DNM3: variants seen among roughly 807,000 people sequenced by gnomAD.
DNM3 encodes the protein dynamin 3.
A neutral mutation model predicts 101.6 loss-of-function variants in DNM3; 47 were observed. The observed-to-expected ratio is 0.46, with a 90% confidence interval of 0.37 to 0.59. DNM3 has a LOEUF of 0.59. Among genes scored for constraint, DNM3 ranks in the 20% least tolerant of loss-of-function variants. DNM3 has a pLI of 0.00. For synonymous variants in DNM3, 385 were observed against 387.9 expected (o/e 0.99, Z 0.09); for missense variants, 849 against 1,085.7 (o/e 0.78, Z 3.06).
chr1:172,378,129 A>T (rs948504957), intron 17 of DNM3: 1 of 152,048 alleles, frequency 6.6e-6, no homozygotes, highest in Non-Finnish European at 1.5e-5. Flanking sequence ...TAACAATAAT[A>T]CCTGTGTCAT....
chr1:172,252,634 A>C (rs1193775958), intron 14 of DNM3, among the ~76,000 whole-genome samples: 1 of 152,120 alleles, frequency 6.6e-6, no homozygotes, highest in South Asian at 2.1e-4. Flanking sequence ...TAACAAGGGC[A>C]GCGCTTGTTA....
In DNM3 at chr1:172,411,537, G is replaced by T; in HGVS notation, c.*3696G>T. 1.1e-6 allele frequency: 1 copy of T among 886,476 alleles called. No individual in the cohort carries two copies. The highest frequency in any genetic ancestry group is 6.1e-4 in the Middle Eastern group (1 of 1,632). 54.9% of individuals were successfully genotyped at this position (886,476 alleles called of 1,614,324 possible). ...TAGTCATTTTTCCTCTATGGTAGAA[G>T]TAAAAAAAAAAAAAAAGGACATAGC... On this transcript the variant is annotated 3_prime_UTR_variant, in exon 21 of 21. Transcript: ENST00000627582.
At chr1:172,319,079 C>T (rs951830205) in intron 16 of DNM3, among the ~76,000 whole-genome samples, 13 of 152,074 alleles carry the variant, frequency 8.5e-5, no homozygotes, top group East Asian at 5.8e-4. Flanking sequence ...TCAGAAATAA[C>T]GCCGCATATC....
chr1:172,350,319 T>A (rs1299659068), intron 17 of DNM3, among the ~76,000 whole-genome samples: 4 of 2,056 alleles, frequency 1.9e-3, no homozygotes, highest in African/African-American at 3.6e-3. Flanking sequence ...TTTTATCTTG[T>A]GTGTGTGTGT....
intron 13 of DNM3, among the ~76,000 whole-genome samples, chr1:172,123,663 G>A (rs2056450664): frequency 6.6e-6 from 1 of 152,086 alleles, no homozygotes; most frequent in Admixed American, 6.6e-5. Context: ...ATAGGCCCAG[G>A]ACTACACTTC....
At chr1:171,870,642 A>G (rs1341992763) in intron 1 of DNM3, among the ~76,000 whole-genome samples, 1 of 152,168 alleles carries the variant, frequency 6.6e-6, no homozygotes, top group Admixed American at 6.6e-5. Flanking sequence ...AAATTAGATT[A>G]TGTATCAAAA....
intron 14 of DNM3, among the ~76,000 whole-genome samples, chr1:172,240,819 GT>G (rs2061720485): frequency 6.6e-6 from 1 of 151,928 alleles, no homozygotes; most frequent in Non-Finnish European, 1.5e-5. Flanking sequence ...AAACTTGAAA[GT>G]TTCTTTTTTT....
At chr1:172,314,459 GGGTCAAGGAGTTCCCTTTCCT>G (rs764734796) in intron 16 of DNM3, among the ~76,000 whole-genome samples, 57 of 152,290 alleles carry the variant, frequency 3.7e-4, no homozygotes, top group Non-Finnish European at 7.6e-4. Flanking sequence ...GAAGTGCAAG[GGGTCAAGGAGTTCCCTTTCCT>G]GGTCAAGGAA....
chr1:172,081,763 A>C, intron 11 of DNM3, 69 bp from the exon 12 acceptor site: 1 of 1,249,602 alleles, frequency 8.0e-7, no homozygotes, highest in Non-Finnish European at 1.1e-6. Flanking sequence ...ATTTGTGGGC[A>C]ATTACTGAAT....
At chr1:172,187,604 T>C (rs1311961037) in intron 14 of DNM3, among the ~76,000 whole-genome samples, 1 of 152,058 alleles carries the variant, frequency 6.6e-6, no homozygotes, top group African/African-American at 2.4e-5. Flanking sequence ...TATTTTTGTT[T>C]TTGTTTGTCT....
At chr1:172,393,084 T>A (rs2069666049) in intron 20 of DNM3, 1 of 152,238 alleles carries the variant, frequency 6.6e-6, no homozygotes, top group Admixed American at 6.5e-5. Context: ...TGTGGCACAC[T>A]TTAAGAGTTT....
chr1:172,201,265 C>T (rs924151441), intron 14 of DNM3, among the ~76,000 whole-genome samples: 1 of 152,114 alleles, frequency 6.6e-6, no homozygotes, highest in Admixed American at 6.6e-5. Flanking sequence ...CAGCCGTGTT[C>T]TCTCTCAATG....
At chr1:172,208,940 T>C (rs1468831239) in intron 14 of DNM3, among the ~76,000 whole-genome samples, 1 of 151,914 alleles carries the variant, frequency 6.6e-6, no homozygotes. Context: ...TGGATCCAGG[T>C]AGAAAGGAAG....
intron 4 of DNM3, among the ~76,000 whole-genome samples, chr1:171,990,634 G>C (rs1165778651): frequency 6.6e-6 from 1 of 152,126 alleles, no homozygotes; most frequent in Non-Finnish European, 1.5e-5. Flanking sequence ...CAAGTCTTCA[G>C]TACTCTGCTG....
rs752046031 is a variant in DNM3 at position 172,387,355 on chromosome 1, C to G, written c.2281C>G (p.Arg761Gly). ...PVDDSWIQHS[R>G]RSPPPSPTTQ... ...GGATGACTCCTGGATACAGCACTCT[C>G]GCAGGTAAGAAGATGGCCCCGGCCG... Residue 761 changes from arginine (R) to glycine (G), a missense_variant, in exon 19 of 21, where the codon CGC (arginine) becomes GGC (glycine). Transcript: ENST00000627582. 3.7e-6 allele frequency: 6 copies of G among 1,612,474 alleles called. No individual in the cohort carries two copies. The Admixed American group carries it at 6.7e-5, about 18-fold the overall frequency.
intron 15 of DNM3, among the ~76,000 whole-genome samples, chr1:172,254,598 G>A (rs11583757): frequency 0.17 from 25,906 of 152,054 alleles, 2,470 homozygotes; most frequent in East Asian, 0.24. Context: ...GCATGGGGGA[G>A]CTGGAACTTG....
At chr1:172,370,961 C>G (rs2068289810) in intron 17 of DNM3, among the ~76,000 whole-genome samples, 1 of 151,890 alleles carries the variant, frequency 6.6e-6, no homozygotes, top group Non-Finnish European at 1.5e-5. Flanking sequence ...TCTTTACAGC[C>G]TGGTAATTTC....
chr1:171,923,226 T>C (rs577155481), intron 2 of DNM3, among the ~76,000 whole-genome samples: 2 of 152,336 alleles, frequency 1.3e-5, no homozygotes, highest in South Asian at 2.1e-4. Flanking sequence ...AGAAGTGATA[T>C]CTCACTGTGG....
chr1:171,910,024 T>G (rs2039164693), intron 1 of DNM3, among the ~76,000 whole-genome samples: 2 of 152,228 alleles, frequency 1.3e-5, no homozygotes, highest in Admixed American at 1.3e-4. Context: ...TTGATTCTTT[T>G]GTTGATTTAA....
Sources: allele counts gnomAD v4.1 joint callset (sites outside exome capture counted in the v4.1 genomes callset), GRCh38; gene constraint gnomAD v4.1.1; transcripts MANE v1.5; gene names NCBI Gene and HGNC (gene_info 2026-07-23, HGNC 2026-07-21).